The following PHACTR3 variants were observed in gnomAD, a reference collection of about 807,000 sequenced individuals.
PHACTR3 encodes protein phosphatase 1, regulatory subunit 123.
Under a neutral mutation model 66.8 loss-of-function variants are expected in PHACTR3, and 16 were observed. The observed-to-expected ratio is 0.24, with a 90% CI of 0.16 to 0.36. The LOEUF (loss-of-function observed/expected upper bound fraction) is 0.36, where lower values mean the gene tolerates loss of function less well. PHACTR3 is among the 10% of genes least tolerant of loss of function. The pLI is 1.00. For missense variants in PHACTR3, 647 were observed against 719.9 expected (o/e 0.90, Z 1.16); for synonymous variants, 323 against 292.1 (o/e 1.11, Z -1.08).
chr20:59,830,419 T>A lies in PHACTR3; in HGVS notation c.1329-6086T>A, dbSNP rs1019842869. Among the ~76,000 whole-genome samples, 1 of 152,030 alleles carries A rather than the reference T, an allele frequency of 6.6e-6. No individual in the cohort carries two copies. The highest frequency in any genetic ancestry group is 2.4e-5 in the African/African-American group (1 of 41,398). Reference sequence around the variant, plus strand: ...GAGTGATGAAGAGGGTGTGAGTGTCTGATGGAGGAATGTGTGGGCATCTGA... The same window carrying A: ...GAGTGATGAAGAGGGTGTGAGTGTCAGATGGAGGAATGTGTGGGCATCTGA... On this transcript the variant is annotated intron_variant, in intron 8 of 12. Coordinates refer to ENST00000371015, the MANE Select transcript of PHACTR3 (RefSeq NM_080672.5). The surrounding 1 kb of genome is among the most constrained non-coding windows in gnomAD (Gnocchi z 5.8).
intron 4 of PHACTR3, among the ~76,000 whole-genome samples, chr20:59,757,144 C>T (rs2039827284): frequency 6.6e-6 from 1 of 152,236 alleles, no homozygotes; most frequent in African/African-American, 2.4e-5. Context: ...GGTGTGGTCC[C>T]CACAGCCCAG....
chr20:59,806,063 G>T lies in PHACTR3; in HGVS notation c.1197G>T (p.Lys399Asn). The T allele has an allele frequency of 6.2e-7, 1 of 1,614,040 alleles. No individual in the cohort carries two copies. Among genetic ancestry groups the T allele is most frequent in the Non-Finnish European group, 8.5e-7 (1 of 1,179,962 alleles). Residue 399 changes from lysine to asparagine, a missense_variant, in exon 8 of 13, where the codon AAG becomes AAT. Around this residue, in one of 2 missense-constraint regions of PHACTR3, gnomAD observed 577 missense variants for 571.1 expected, o/e 1.01. Transcript: ENST00000371015. The stretch of plus-strand genomic sequence containing the variant: ...TAGGAACACTGCCACGGAAATGCAA[G>T]AAGGAGCTCCTGGCCGTGAAGCTAA... ...IISGTLPRKC[K>N]KELLAVKLRN...
rs997697862 is a variant in PHACTR3 at position 59,830,989 on chromosome 20, C to T, written c.1329-5516C>T. ...GCGTCCTGACTGTCCAGGCTGTCGG[C>T]GGTCTCATCAGCTCCACCTCTAGGC... On this transcript the variant is annotated intron_variant, in intron 8 of 12. Coordinates refer to ENST00000371015, the MANE Select transcript of PHACTR3 (RefSeq NM_080672.5). This position sits in a 1 kb window ranked among gnomAD's most constrained non-coding sequence, Gnocchi z 5.8. 1.2e-4 allele frequency among the ~76,000 whole-genome samples: 18 copies of T among 152,092 alleles called. No homozygotes were observed. Among genetic ancestry groups the T allele is most frequent in the African/African-American group, 2.2e-4 (9 of 41,416 alleles).
chr20:59,647,764 C>G (rs570244783), intron 1 of PHACTR3, among the ~76,000 whole-genome samples: 4 of 152,306 alleles, frequency 2.6e-5, no homozygotes, highest in African/African-American at 9.6e-5. Context: ...TTGCCTAAAT[C>G]AGAATTAAGC....
At chr20:59,715,493 T>G (rs1258264307) in intron 1 of PHACTR3, among the ~76,000 whole-genome samples, 1 of 152,252 alleles carries the variant, frequency 6.6e-6, no homozygotes, top group Non-Finnish European at 1.5e-5. Context: ...TTCCATGTTT[T>G]GTCTTTCTGC....
rs1568854878 is a variant in PHACTR3, at chr20:59,820,944, A to T, written c.1328+14750A>T. Among the ~76,000 whole-genome samples the T allele has an allele frequency of 6.6e-6, 1 of 152,122 alleles. No individual in the cohort carries two copies. The highest frequency in any genetic ancestry group is 6.5e-5 in the Admixed American group (1 of 15,272). On this transcript the variant is annotated intron_variant, in intron 8 of 12. Transcript: ENST00000371015. The surrounding 1 kb of genome is among the most constrained non-coding windows in gnomAD (Gnocchi z 4.6). The stretch of plus-strand genomic sequence containing the variant: ...GGGTGTGTGATGTCTGCCTGCTCAG[A>T]TGCTTGCAGGGACTAAATACCACAC...
chr20:59,639,920 G>A (rs73140860), intron 1 of PHACTR3, among the ~76,000 whole-genome samples: 4 of 152,206 alleles, frequency 2.6e-5, no homozygotes, highest in Admixed American at 6.5e-5. Context: ...AAAAAAACTC[G>A]CAAACCTGGC....
At chr20:59,579,340 A>G (rs1298490115) in intron 1 of PHACTR3, among the ~76,000 whole-genome samples, 4 of 152,220 alleles carry the variant, frequency 2.6e-5, no homozygotes, top group African/African-American at 7.2e-5. Flanking sequence ...CACTTTCCCC[A>G]AGGAGAAAGC....
intron 1 of PHACTR3, among the ~76,000 whole-genome samples, chr20:59,667,659 T>C (rs1441580635): frequency 2.6e-5 from 4 of 152,224 alleles, no homozygotes; most frequent in African/African-American, 7.2e-5. Flanking sequence ...TCACCAGATT[T>C]TCCTTCCAGG....
intron 1 of PHACTR3, among the ~76,000 whole-genome samples, chr20:59,723,865 G>A (rs77533868): frequency 2.0e-5 from 3 of 152,188 alleles, no homozygotes; most frequent in East Asian, 1.9e-4. Context: ...GTTACATGGC[G>A]ACTAGGTCTT....
intron 1 of PHACTR3, among the ~76,000 whole-genome samples, chr20:59,695,058 T>G (rs1190737996): frequency 6.6e-6 from 1 of 152,034 alleles, no homozygotes; most frequent in Non-Finnish European, 1.5e-5. Context: ...CAGGTGGAAA[T>G]AAACTCCCAG....
chr20:59,634,185 C>T (rs2034769076), intron 1 of PHACTR3, among the ~76,000 whole-genome samples: 1 of 152,112 alleles, frequency 6.6e-6, no homozygotes, highest in Non-Finnish European at 1.5e-5. Flanking sequence ...GCTTTAGGGG[C>T]TGGAAATATT....
At position 59,687,910 on chromosome 20, in the gene PHACTR3, A is replaced by G. The variant is rs1465738609; in HGVS notation, c.119-55197A>G. Among the ~76,000 whole-genome samples, 2 of 152,180 alleles carry G rather than the reference A, an allele frequency of 1.3e-5. 1 individual carries two copies. Among genetic ancestry groups the G allele is most frequent in the South Asian group, 4.1e-4 (2 of 4,830 alleles). On this transcript the variant is annotated intron_variant, in intron 1 of 12. Transcript: ENST00000371015. ...TCAGCTGGTTGCTCCCCTGTGAATT[A>G]TCTTTCAGTTGTGTGGTTGTATATG... is the stretch of plus-strand genomic sequence containing the variant.
intron 1 of PHACTR3, among the ~76,000 whole-genome samples, chr20:59,605,859 G>GGGGGGGT: frequency 1.7e-4 from 1 of 6,042 alleles, no homozygotes; most frequent in Non-Finnish European, 3.8e-4. Flanking sequence ...GGGGGGAGGT[G>GGGGGGGT]GGGGGGGGGG....
intron 1 of PHACTR3, among the ~76,000 whole-genome samples, chr20:59,586,701 A>G (rs530979258): frequency 6.6e-6 from 1 of 152,252 alleles, no homozygotes; most frequent in East Asian, 1.9e-4. Context: ...GGGGGATTGG[A>G]GAGGAGCCAC....
chr20:59,784,426 G>A (rs1214667360), intron 7 of PHACTR3, among the ~76,000 whole-genome samples: 1 of 152,062 alleles, frequency 6.6e-6, no homozygotes, highest in Non-Finnish European at 1.5e-5. Flanking sequence ...CTGTGTCTCT[G>A]GAGAGCCCTG....
intron 1 of PHACTR3, among the ~76,000 whole-genome samples, chr20:59,647,735 G>A (rs866065408): frequency 1.3e-5 from 2 of 151,940 alleles, no homozygotes; most frequent in East Asian, 1.9e-4. Context: ...CTCCCACAAC[G>A]CCCAACTCCC....
At chr20:59,596,285 C>T (rs1258946605) in intron 1 of PHACTR3, among the ~76,000 whole-genome samples, 1 of 152,172 alleles carries the variant, frequency 6.6e-6, no homozygotes, top group African/African-American at 2.4e-5. Context: ...AGGCACACAG[C>T]ATCATGCCTG....
chr20:59,785,670 A>G (rs577132520), intron 7 of PHACTR3, among the ~76,000 whole-genome samples: 1 of 152,326 alleles, frequency 6.6e-6, no homozygotes, highest in South Asian at 2.1e-4. Flanking sequence ...TAGTCAGTCA[A>G]GAGCGTTTAT....
Sources: allele counts gnomAD v4.1 joint callset (sites outside exome capture counted in the v4.1 genomes callset), GRCh38; gene constraint gnomAD v4.1.1; regional missense constraint gnomAD v4.1.1; non-coding constraint Gnocchi (gnomAD v3.1); transcripts MANE v1.5; gene names NCBI Gene and HGNC (gene_info 2026-07-23, HGNC 2026-07-21).